Variants in SH3RF3 observed in about 807,000 individuals in gnomAD.
SH3RF3 encodes E3 ubiquitin-protein ligase SH3RF3.
SH3RF3 carries 29 observed loss-of-function variants against 66.3 expected under a neutral mutation model. The ratio of observed to expected loss-of-function variants is 0.44; its 90% CI spans 0.33 to 0.60. The LOEUF (loss-of-function observed/expected upper bound fraction) is 0.60. Among genes scored for constraint, SH3RF3 ranks in the 20% least tolerant of loss-of-function variants. The pLI is 0.04. For missense variants in SH3RF3, 1,194 were observed against 1,190.9 expected, an observed-to-expected ratio of 1.00 and a Z score of -0.04; for synonymous variants, 583 against 532.0, an observed-to-expected ratio of 1.10 and a Z score of -1.32.
At chr2:109,335,168 C>T (rs1169552019) in intron 1 of SH3RF3, among the ~76,000 whole-genome samples, 1 of 152,244 alleles carries the variant, frequency 6.6e-6, no homozygotes, top group Non-Finnish European at 1.5e-5. Context: ...TGGGGTGTTA[C>T]CTGTTCCTTG....
At chr2:109,144,726 C>G (rs1361512565) in intron 1 of SH3RF3, among the ~76,000 whole-genome samples, 3 of 152,256 alleles carry the variant, frequency 2.0e-5, no homozygotes, top group Non-Finnish European at 4.4e-5. Flanking sequence ...CCACCTCCAG[C>G]TGGTGATGCA....
At chr2:109,346,027 G>A (rs1682687185) in intron 1 of SH3RF3, among the ~76,000 whole-genome samples, 1 of 152,200 alleles carries the variant, frequency 6.6e-6, no homozygotes, top group Non-Finnish European at 1.5e-5. Context: ...TTATTCTGAT[G>A]GCCTGCAGCC....
intron 1 of SH3RF3, among the ~76,000 whole-genome samples, chr2:109,254,844 A>G (rs1185815353): frequency 6.6e-6 from 1 of 152,176 alleles, no homozygotes; most frequent in East Asian, 1.9e-4. Flanking sequence ...CCAGGGCAGT[A>G]TCTGCTCTCT....
At chr2:109,360,519 C>T (rs765448366) in intron 2 of SH3RF3, among the ~76,000 whole-genome samples, 17 of 152,142 alleles carry the variant, frequency 1.1e-4, no homozygotes, top group Non-Finnish European at 2.2e-4. Flanking sequence ...AGACTGGGGT[C>T]CCATACCCAA....
At chr2:109,291,912 G>A (rs960380183) in intron 1 of SH3RF3, among the ~76,000 whole-genome samples, 2 of 152,208 alleles carry the variant, frequency 1.3e-5, no homozygotes, top group African/African-American at 4.8e-5. Context: ...TTGCCAGGCT[G>A]GAGTGCAGTG....
chr2:109,392,905 A>G (rs1676041889), intron 3 of SH3RF3, among the ~76,000 whole-genome samples: 1 of 151,898 alleles, frequency 6.6e-6, no homozygotes, highest in South Asian at 2.1e-4. Context: ...TCCACACACA[A>G]CTCTTCAGGA....
chr2:109,243,682 C>T (rs1012507498), intron 1 of SH3RF3, among the ~76,000 whole-genome samples: 4 of 152,082 alleles, frequency 2.6e-5, no homozygotes, highest in African/African-American at 4.8e-5. Context: ...AGGCAAAGGT[C>T]GGGGACAATC....
At chr2:109,188,744 C>CT (rs909366248) in intron 1 of SH3RF3, among the ~76,000 whole-genome samples, 7 of 152,314 alleles carry the variant, frequency 4.6e-5, no homozygotes, top group African/African-American at 1.7e-4. Context: ...CTTTGAGACT[C>CT]TGAGAGACAC....
chr2:109,129,423 G>A lies in SH3RF3; in HGVS notation c.-118G>A, dbSNP rs1676622278. 1.4e-6 allele frequency: 2 copies of A among 1,468,954 alleles called. No homozygotes were observed. The highest frequency in any genetic ancestry group is 2.1e-5 in the Admixed American group (1 of 48,362). 91.0% of individuals were successfully genotyped at this position (1,468,954 alleles called of 1,614,324 possible). ...CCCTAGCATCGGGCCACCAGCCGGG[G>A]TGAAGAAAGTCACGGCGGAGCCCGG... On this transcript the variant is annotated 5_prime_UTR_variant, in exon 1 of 10. It adds an upstream start codon to the 5' untranslated region. Coordinates refer to ENST00000309415, the MANE Select transcript of SH3RF3 (RefSeq NM_001099289.3).
intron 2 of SH3RF3, among the ~76,000 whole-genome samples, chr2:109,361,507 T>G (rs190386874): frequency 1.3e-5 from 2 of 152,340 alleles, no homozygotes; most frequent in African/African-American, 4.8e-5. Context: ...GGAGTCTCGC[T>G]CTGTCACCCA....
At chr2:109,280,276 G>T (rs904427445) in intron 1 of SH3RF3, among the ~76,000 whole-genome samples, 4 of 152,186 alleles carry the variant, frequency 2.6e-5, no homozygotes, top group African/African-American at 7.2e-5. Flanking sequence ...GGAAGGAAAC[G>T]CAGAGGCCTT....
intron 1 of SH3RF3, among the ~76,000 whole-genome samples, chr2:109,206,655 A>C (rs181211676): frequency 6.6e-6 from 1 of 151,880 alleles, no homozygotes; most frequent in Non-Finnish European, 1.5e-5. Context: ...CAAAAAAAAA[A>C]TTTTTTTTAA....
intron 1 of SH3RF3, among the ~76,000 whole-genome samples, chr2:109,162,699 G>A (rs1677517013): frequency 6.6e-6 from 1 of 152,188 alleles, no homozygotes; most frequent in African/African-American, 2.4e-5. Context: ...GTGTGCATGT[G>A]TCTTTATAGC....
At chr2:109,172,054 C>G (rs909999760) in intron 1 of SH3RF3, among the ~76,000 whole-genome samples, 14 of 152,226 alleles carry the variant, frequency 9.2e-5, no homozygotes, top group Admixed American at 6.5e-5. Flanking sequence ...TGTTTGGTTG[C>G]TTGGTTTGGA....
intron 3 of SH3RF3, among the ~76,000 whole-genome samples, chr2:109,378,050 G>C (rs112437262): frequency 6.6e-6 from 1 of 152,192 alleles, no homozygotes; most frequent in Non-Finnish European, 1.5e-5. Context: ...GTGGGTTTTC[G>C]GCCCTTGCCT....
chr2:109,214,934 C>T (rs1014050125), intron 1 of SH3RF3, among the ~76,000 whole-genome samples: 5 of 152,180 alleles, frequency 3.3e-5, no homozygotes, highest in African/African-American at 1.2e-4. Flanking sequence ...AGCTCTGCAC[C>T]AGCTGTAGTG....
intron 8 of SH3RF3, among the ~76,000 whole-genome samples, chr2:109,483,608 T>C (rs1016687125): frequency 7.2e-5 from 11 of 152,240 alleles, no homozygotes; most frequent in African/African-American, 2.7e-4. Context: ...AATACTGTTA[T>C]TCAACAGATT....
At chr2:109,234,798 T>G (rs1679604989) in intron 1 of SH3RF3, among the ~76,000 whole-genome samples, 1 of 152,320 alleles carries the variant, frequency 6.6e-6, no homozygotes, top group Middle Eastern at 3.4e-3. Context: ...CCTGACTTCC[T>G]GGGGAAATTC....
rs908122538 is a variant in SH3RF3, at chr2:109,164,375, G to A, written c.573+34262G>A. Reference sequence around the variant, plus strand: ...TTTTTAAAAATTTTGTTAGAGATGGGGTCTTGCTGTGTTGCTCAGGCTGGT... The same window carrying A: ...TTTTTAAAAATTTTGTTAGAGATGGAGTCTTGCTGTGTTGCTCAGGCTGGT... On this transcript the variant is annotated intron_variant, in intron 1 of 9. Coordinates refer to ENST00000309415, the MANE Select transcript of SH3RF3 (RefSeq NM_001099289.3). 4.6e-5 allele frequency among the ~76,000 whole-genome samples: 7 copies of A among 152,198 alleles called. No homozygotes were observed. In the South Asian group the frequency reaches 1.5e-3, roughly 32 times the overall value.
Sources: allele counts gnomAD v4.1 joint callset (sites outside exome capture counted in the v4.1 genomes callset), GRCh38; gene constraint gnomAD v4.1.1; transcripts MANE v1.5; gene names NCBI Gene and HGNC (gene_info 2026-07-23, HGNC 2026-07-21).